Variants in PEX26 observed in about 807,000 individuals in gnomAD.
PEX26 encodes peroxisomal biogenesis factor 26, also known as peroxisome assembly protein 26.
PEX26 carries 18 observed loss-of-function variants against 31.4 expected under a neutral mutation model. The ratio of observed to expected loss-of-function variants is 0.57; its 90% CI spans 0.40 to 0.85. The LOEUF is 0.85. PEX26 is among the 40% of genes least tolerant of loss of function. The probability of loss-of-function intolerance (pLI) is 0.00; values close to 1 mark genes in which losing one functional copy is unlikely to be tolerated. For missense variants in PEX26, 377 were observed against 383.9 expected (o/e 0.98, Z 0.15); for synonymous variants, 176 against 166.9 (o/e 1.05, Z -0.42).
Position 18,097,322 on chromosome 22 carries a change from G to C in PEX26, c.*9247G>C, listed in dbSNP as rs1271230992. The C allele has an allele frequency of 6.6e-6, 1 of 151,832 alleles. No individual in the cohort carries two copies. Among genetic ancestry groups the C allele is most frequent in the African/African-American group, 2.4e-5 (1 of 41,264 alleles). The allele number at this position is 151,832 out of a possible 1,614,324, so 9.4% of individuals were successfully genotyped here. On this transcript the variant is annotated 3_prime_UTR_variant, in exon 5 of 5. Coordinates refer to ENST00000399744, the MANE Select transcript of PEX26 (RefSeq NM_001127649.3). Reference sequence around the variant, plus strand: ...TCTGTCGCCCAGGCTGGAGTGCAGGGGTGTGATCTCGGCTCACTGCAAGCT... The same window carrying C: ...TCTGTCGCCCAGGCTGGAGTGCAGGCGTGTGATCTCGGCTCACTGCAAGCT...
chr22:18,081,126 T>G (rs1926565164), intron 2 of PEX26, among the ~76,000 whole-genome samples: 1 of 143,960 alleles, frequency 6.9e-6, no homozygotes, highest in Admixed American at 7.0e-5. Flanking sequence ...GATTTCATTC[T>G]TTTTTATGGC....
chr22:18,089,110 C>T lies in PEX26; in HGVS notation c.*1035C>T, dbSNP rs1207463757. Reference sequence around the variant, plus strand: ...CTCTGCCCACTCTTTCCCCGCCAGCCCTTCCCTCCCGCCCTGCAAACTTGT... The same window carrying T: ...CTCTGCCCACTCTTTCCCCGCCAGCTCTTCCCTCCCGCCCTGCAAACTTGT... On this transcript the variant is annotated 3_prime_UTR_variant, in exon 5 of 5. Transcript: ENST00000399744. 6.5e-6 allele frequency: 1 copy of T among 153,206 alleles called. No individual in the cohort carries two copies. Among genetic ancestry groups the T allele is most frequent in the Non-Finnish European group, 1.5e-5 (1 of 68,396 alleles). 9.5% of individuals were successfully genotyped at this position (153,206 alleles called of 1,614,324 possible).
At chr22:18,081,256 A>ACACACACG (rs1926585026) in intron 2 of PEX26, among the ~76,000 whole-genome samples, 1 of 149,500 alleles carries the variant, frequency 6.7e-6, no homozygotes, top group Admixed American at 6.6e-5. Context: ...ACACACACAC[A>ACACACACG]CACACACACA....
intron 2 of PEX26, among the ~76,000 whole-genome samples, chr22:18,082,624 A>C (rs1394675293): frequency 6.6e-6 from 1 of 152,190 alleles, no homozygotes. Flanking sequence ...TATGGTTTGA[A>C]GTCAGGTAAT....
intron 1 of PEX26, chr22:18,079,262 G>A (rs1926450189): frequency 2.0e-6 from 2 of 984,726 alleles, no homozygotes; most frequent in South Asian, 4.7e-5. Flanking sequence ...GGCAGGTGAG[G>A]GAGTCATTTC....
intron 2 of PEX26, among the ~76,000 whole-genome samples, chr22:18,081,868 C>T (rs1926626073): frequency 6.6e-6 from 1 of 152,176 alleles, no homozygotes; most frequent in Non-Finnish European, 1.5e-5. Flanking sequence ...ACATCCTCAC[C>T]CGCACCAACA....
intron 2 of PEX26, among the ~76,000 whole-genome samples, chr22:18,082,682 T>G (rs1926665595): frequency 6.6e-6 from 1 of 152,200 alleles, no homozygotes; most frequent in South Asian, 2.1e-4. Context: ...CTTTAGCCAT[T>G]TGGGGTCTTT....
Position 18,083,481 on chromosome 22 carries a change from ATGTGGTGGG to A in PEX26, c.419_427del (p.Val140_Gly142del), listed in dbSNP as rs772474766. On this transcript the variant is annotated inframe_deletion, in exon 3 of 5. Coordinates refer to ENST00000399744, the MANE Select transcript of PEX26 (RefSeq NM_001127649.3). ...ATGCAAGAGCCTGGAGCTGTGCTGG[ATGTGGTGGG>A]TGCCTGGCTCCAAGACCCAGCCAAT... 1.9e-6 allele frequency: 3 copies of A among 1,614,096 alleles called. No homozygotes were observed. Among genetic ancestry groups the A allele is most frequent in the Non-Finnish European group, 1.7e-6 (2 of 1,180,006 alleles).
chr22:18,081,981 G>A (rs1208432338), intron 2 of PEX26, among the ~76,000 whole-genome samples: 1 of 151,678 alleles, frequency 6.6e-6, no homozygotes, highest in African/African-American at 2.4e-5. Flanking sequence ...GTAGTGTTGA[G>A]CATTTTTTCA....
chr22:18,085,130 TC>T lies in PEX26; in HGVS notation c.688del (p.Leu230CysfsTer15). 2 of 1,614,106 alleles carry T rather than the reference TC, an allele frequency of 1.2e-6. No individual in the cohort carries two copies. Among genetic ancestry groups the T allele is most frequent in the Non-Finnish European group, 1.7e-6 (2 of 1,179,990 alleles). On this transcript the variant is annotated frameshift_variant, in exon 4 of 5. Coordinates refer to ENST00000399744, the MANE Select transcript of PEX26 (RefSeq NM_001127649.3). LOFTEE classifies it high-confidence loss of function. The stretch of plus-strand genomic sequence containing the variant: ...TGGCCAGGCTCTGTCTCCCACAAGT[TC>T]CTGTCACTACCGATGTTGGTTCGCC... ...PNLEGSVSHK[F>X]LSLPMLVRQL...
rs888122795 is a variant in PEX26, at chr22:18,094,257, G to C, written c.*6182G>C. 6.6e-5 allele frequency: 10 copies of C among 152,190 alleles called. No homozygotes were observed. Among genetic ancestry groups the C allele is most frequent in the African/African-American group, 2.4e-4 (10 of 41,502 alleles). The allele number at this position is 152,190 out of a possible 1,614,324, so 9.4% of individuals were successfully genotyped here. On this transcript the variant is annotated 3_prime_UTR_variant, in exon 5 of 5. Transcript: ENST00000399744. ...GATGGAGTCTCGCTCTGTCACCCAG[G>C]CTGGAATGCAGTGGCGTGATCTCAG...
chr22:18,078,828 G>C (rs1456849005), intron 1 of PEX26: 1 of 698,520 alleles, frequency 1.4e-6, no homozygotes, highest in Non-Finnish European at 2.6e-6. Context: ...CCAATTATTT[G>C]CTCCTTGTTC....
rs1196346206 is a variant in PEX26, at chr22:18,079,995, C to T, written c.352C>T (p.Pro118Ser). 3 of 1,614,054 alleles carry T rather than the reference C, an allele frequency of 1.9e-6. No homozygotes were observed. The highest frequency in any genetic ancestry group is 1.1e-5 in the South Asian group (1 of 91,080). ...QYYQVPEKLP[P>S]KVLELCILLY... ...TTACCAGGTCCCTGAAAAGCTACCC[C>T]CCAAAGTCCTGGAGCTGTGGTAAGT... The change falls in exon 2 of 5, where the codon CCC (proline) becomes TCC (serine). Residue 118 changes from proline (P) to serine (S), a missense_variant. Pro to Ser is a moderately conservative substitution (Grantham distance 74). Transcript: ENST00000399744.
In PEX26 at chr22:18,095,780, G is replaced by C. The variant is rs1927272630; in HGVS notation, c.*7705G>C. The C allele has an allele frequency of 6.6e-6, 1 of 150,904 alleles. No individual in the cohort carries two copies. The highest frequency in any genetic ancestry group is 2.4e-5 in the African/African-American group (1 of 40,892). 9.3% of individuals were successfully genotyped at this position (150,904 alleles called of 1,614,324 possible). A position where few individuals can be genotyped will look rare whatever the true frequency, so the allele number is the denominator to read the frequency against. Reference sequence around the variant, plus strand: ...GCTGCGTAAATGAGAGACATCATGGGATTGTGGTTAAGAGTGTGGGTCCCA... The same window carrying C: ...GCTGCGTAAATGAGAGACATCATGGCATTGTGGTTAAGAGTGTGGGTCCCA... On this transcript the variant is annotated 3_prime_UTR_variant, in exon 5 of 5. Coordinates refer to ENST00000399744, the MANE Select transcript of PEX26 (RefSeq NM_001127649.3).
At chr22:18,083,997 T>G (rs2123655156) in intron 3 of PEX26, among the ~76,000 whole-genome samples, 1 of 152,312 alleles carries the variant, frequency 6.6e-6, no homozygotes, top group East Asian at 1.9e-4. Context: ...ATTTTCCCAT[T>G]GGAGTCCTCT....
At chr22:18,085,386 T>C in intron 4 of PEX26, 128 bp downstream of exon 4, 1 of 981,028 alleles carries the variant, frequency 1.0e-6, no homozygotes, top group African/African-American at 1.6e-5. Flanking sequence ...TTCCCCTGAG[T>C]CTGTTCCACA....
rs775974511 is a variant in PEX26 at position 18,094,163 on chromosome 22, G to A, written c.*6088G>A. On this transcript the variant is annotated 3_prime_UTR_variant, in exon 5 of 5. Transcript: ENST00000399744. ...CGGACAGGTGTCAGATAATAGCAGA[G>A]ACTTGGTGAAGAAATGAAAGCACTT... 1.3e-5 allele frequency: 2 copies of A among 152,134 alleles called. No individual in the cohort carries two copies. The highest frequency in any genetic ancestry group is 2.9e-5 in the Non-Finnish European group (2 of 68,056). 9.4% of individuals were successfully genotyped at this position (152,134 alleles called of 1,614,324 possible).
In PEX26 at chr22:18,088,168, A is replaced by G. The variant is rs772373660; in HGVS notation, c.*93A>G. 5.2e-4 allele frequency: 458 copies of G among 873,526 alleles called. No homozygotes were observed. The highest frequency in any genetic ancestry group is 7.9e-4 in the Non-Finnish European group (406 of 514,520). The allele number at this position is 873,526 out of a possible 1,614,324, so 54.1% of individuals were successfully genotyped here. ...ACACATCCACAGGCGCCCCTGGGGA[A>G]ATGGGACCAGCCTAATCTCGCGGAG... On this transcript the variant is annotated 3_prime_UTR_variant, in exon 5 of 5. Transcript: ENST00000399744. This position sits in a 1 kb window ranked among gnomAD's most constrained non-coding sequence, Gnocchi z 4.1.
At position 18,088,337 on chromosome 22, in the gene PEX26, G is replaced by T; in HGVS notation, c.*262G>T. On this transcript the variant is annotated 3_prime_UTR_variant, in exon 5 of 5. Coordinates refer to ENST00000399744, the MANE Select transcript of PEX26 (RefSeq NM_001127649.3). This position sits in a 1 kb window ranked among gnomAD's most constrained non-coding sequence, Gnocchi z 4.1. ...GGATGACCAGAGGCCCCTTGAAAAGGAGGGGTTTGGGGACAGGGACTGTGT... is the reference window on the plus strand; with the variant it reads ...GGATGACCAGAGGCCCCTTGAAAAGTAGGGGTTTGGGGACAGGGACTGTGT... 1 of 602,834 alleles carries T rather than the reference G, an allele frequency of 1.7e-6. No homozygotes were observed. Among genetic ancestry groups the T allele is most frequent in the Non-Finnish European group, 3.1e-6 (1 of 326,166 alleles). The allele number at this position is 602,834 out of a possible 1,614,324, so 37.3% of individuals were successfully genotyped here. A position where few individuals can be genotyped will look rare whatever the true frequency, so the allele number is the denominator to read the frequency against.
Sources: gnomAD v4.1 joint callset for allele counts (sites outside exome capture counted in the v4.1 genomes callset) on GRCh38, gnomAD v4.1.1 for gene constraint, Gnocchi (gnomAD v3.1) non-coding constraint, MANE v1.5 for transcripts, NCBI Gene and HGNC (gene_info 2026-07-23, HGNC 2026-07-21) for gene names.